The following KCNB2 variants were observed in gnomAD, a reference collection of about 807,000 sequenced individuals.
KCNB2 encodes the protein potassium voltage-gated channel subfamily B member 2, also known as delayed rectifier potassium channel protein.
KCNB2 carries 15 observed loss-of-function variants against 61.5 expected under a neutral mutation model. The observed-to-expected ratio is 0.24, with a 90% confidence interval of 0.16 to 0.38. The LOEUF (loss-of-function observed/expected upper bound fraction) is 0.38, where lower values mean the gene tolerates loss of function less well. Among genes scored for constraint, KCNB2 ranks in the 10% least tolerant of loss-of-function variants. KCNB2 has a pLI of 1.00. For synonymous variants in KCNB2, 457 were observed against 446.0 expected, an observed-to-expected ratio of 1.02 and a Z score of -0.31; for missense variants, 828 against 1,125.2, an observed-to-expected ratio of 0.74 and a Z score of 3.78.
chr8:72,585,066 G>T (rs950986956), intron 2 of KCNB2, among the ~76,000 whole-genome samples: 15 of 152,180 alleles, frequency 9.9e-5, no homozygotes, highest in Admixed American at 2.6e-4. Context: ...GGGTGGTCAT[G>T]ATTTCTGTCC....
rs78293328 is a variant in KCNB2, at chr8:72,900,827, A to T, written c.580-35108A>T. Among the ~76,000 whole-genome samples, 725 of 152,268 alleles carry T rather than the reference A, an allele frequency of 4.8e-3. 5 individuals are homozygous for T. Among genetic ancestry groups the T allele is most frequent in the African/African-American group, 0.015 (641 of 41,554 alleles). The stretch of plus-strand genomic sequence containing the variant: ...CACACCAGTCAGAGTGGATATTATT[A>T]AAAAGTCAAATATTAACCAATATTA... On this transcript the variant is annotated intron_variant, in intron 2 of 2. Coordinates refer to ENST00000523207, the MANE Select transcript of KCNB2 (RefSeq NM_004770.3).
intron 2 of KCNB2, among the ~76,000 whole-genome samples, chr8:72,652,201 CT>C (rs1463661724): frequency 6.6e-6 from 1 of 152,108 alleles, no homozygotes; most frequent in Admixed American, 6.6e-5. Flanking sequence ...ATAATATACT[CT>C]TTCTCTAAAG....
intron 2 of KCNB2, among the ~76,000 whole-genome samples, chr8:72,726,785 A>C (rs887267640): frequency 2.6e-5 from 4 of 152,200 alleles, no homozygotes; most frequent in Non-Finnish European, 5.9e-5. Context: ...GGTTGTTGTT[A>C]ATGAGCCAAC....
chr8:72,793,759 G>A (rs1467644747), intron 2 of KCNB2, among the ~76,000 whole-genome samples: 1 of 152,146 alleles, frequency 6.6e-6, no homozygotes, highest in East Asian at 1.9e-4. Context: ...TATTTTTAAA[G>A]CAACGTTAAC....
At chr8:72,632,128 C>T (rs1805891410) in intron 2 of KCNB2, among the ~76,000 whole-genome samples, 1 of 151,720 alleles carries the variant, frequency 6.6e-6, no homozygotes, top group African/African-American at 2.4e-5. Context: ...CACCTGTATT[C>T]CCAGCTACTT....
chr8:72,606,442 T>C (rs1312607269), intron 2 of KCNB2, among the ~76,000 whole-genome samples: 1 of 152,254 alleles, frequency 6.6e-6, no homozygotes, highest in Non-Finnish European at 1.5e-5. Flanking sequence ...ATCAAAGTTC[T>C]AATTATTATC....
At chr8:72,674,590 A>C (rs911625197) in intron 2 of KCNB2, among the ~76,000 whole-genome samples, 2 of 152,262 alleles carry the variant, frequency 1.3e-5, no homozygotes, top group Non-Finnish European at 2.9e-5. Context: ...AAAGATTGTA[A>C]TTCTCTTTTA....
At chr8:72,813,005 T>G (rs958928044) in intron 2 of KCNB2, among the ~76,000 whole-genome samples, 1 of 152,168 alleles carries the variant, frequency 6.6e-6, no homozygotes, top group Non-Finnish European at 1.5e-5. Flanking sequence ...GCAAACTTGA[T>G]TGATTGCCTG....
At chr8:72,538,461 G>A (rs1271522654) in intron 1 of KCNB2, among the ~76,000 whole-genome samples, 1 of 152,082 alleles carries the variant, frequency 6.6e-6, no homozygotes, top group Non-Finnish European at 1.5e-5. Context: ...ATTTGCTCCC[G>A]ATGCTTAATG....
chr8:72,561,297 C>G (rs754305602), intron 1 of KCNB2, among the ~76,000 whole-genome samples: 19 of 151,890 alleles, frequency 1.3e-4, no homozygotes, highest in Non-Finnish European at 2.4e-4. Context: ...GCTGGGACTA[C>G]AGGTGTGCGC....
At chr8:72,600,674 C>G (rs932121244) in intron 2 of KCNB2, among the ~76,000 whole-genome samples, 2 of 151,860 alleles carry the variant, frequency 1.3e-5, no homozygotes, top group Non-Finnish European at 2.9e-5. Context: ...AGGATGAGAT[C>G]ATGTCCTTTG....
chr8:72,567,618 C>G (rs1288871734), intron 1 of KCNB2, 24 bp from the exon 2 acceptor site: 9 of 683,292 alleles, frequency 1.3e-5, no homozygotes, highest in Non-Finnish European at 2.2e-5. Flanking sequence ...TGCAAGTAAC[C>G]AAGTGATTGT....
chr8:72,558,010 A>G (rs1806455517), intron 1 of KCNB2, among the ~76,000 whole-genome samples: 1 of 152,218 alleles, frequency 6.6e-6, no homozygotes, highest in Non-Finnish European at 1.5e-5. Context: ...CAAACAAGAT[A>G]CTAGTGCTTT....
At position 72,548,631 on chromosome 8, in the gene KCNB2, G is replaced by A. The variant is rs1309459246; in HGVS notation, c.-94+10746G>A. 5.9e-5 allele frequency among the ~76,000 whole-genome samples: 9 copies of A among 152,298 alleles called. No individual in the cohort carries two copies. In the East Asian group the frequency reaches 1.7e-3, roughly 29 times the overall value. ...TTCCCAATCCAAGCCTAGATACCTAGAGGTGGTTTTAAAGTCATTGGGTTT... is the reference window on the plus strand; with the variant it reads ...TTCCCAATCCAAGCCTAGATACCTAAAGGTGGTTTTAAAGTCATTGGGTTT... On this transcript the variant is annotated intron_variant, in intron 1 of 2. Transcript: ENST00000523207.
intron 2 of KCNB2, among the ~76,000 whole-genome samples, chr8:72,725,565 G>C (rs76588730): frequency 2.1e-5 from 1 of 47,978 alleles, no homozygotes; most frequent in African/African-American, 6.7e-5. Context: ...ATGTATATAT[G>C]TATATATATG....
chr8:72,738,675 G>A (rs1486085326), intron 2 of KCNB2, among the ~76,000 whole-genome samples: 3 of 152,192 alleles, frequency 2.0e-5, no homozygotes, highest in Non-Finnish European at 1.5e-5. Context: ...CTGTCCTGCT[G>A]TAACTGCACA....
intron 2 of KCNB2, among the ~76,000 whole-genome samples, chr8:72,619,615 G>A (rs914497291): frequency 1.3e-5 from 2 of 151,230 alleles, no homozygotes; most frequent in African/African-American, 4.9e-5. Flanking sequence ...CACTTCACAC[G>A]GAACTCCTCA....
chr8:72,625,895 C>T (rs1188474415), intron 2 of KCNB2, among the ~76,000 whole-genome samples: 3 of 152,000 alleles, frequency 2.0e-5, no homozygotes, highest in Non-Finnish European at 4.4e-5. Flanking sequence ...CAGAACTTTG[C>T]AGTCCCATGA....
At chr8:72,763,919 G>T (rs1383263276) in intron 2 of KCNB2, among the ~76,000 whole-genome samples, 1 of 152,194 alleles carries the variant, frequency 6.6e-6, no homozygotes, top group East Asian at 1.9e-4. Context: ...GGAAGGTGGA[G>T]GAGAAGCAGC....
Sources: allele counts gnomAD v4.1 joint callset (sites outside exome capture counted in the v4.1 genomes callset), GRCh38; gene constraint gnomAD v4.1.1; transcripts MANE v1.5; gene names NCBI Gene and HGNC (gene_info 2026-07-23, HGNC 2026-07-21).